SPATA17: variants seen among roughly 807,000 people sequenced by gnomAD.
The protein encoded by SPATA17 is spermatogenesis associated 17.
A neutral mutation model predicts 62.2 loss-of-function variants in SPATA17; 53 were observed. That is an observed-to-expected ratio of 0.85 (90% CI 0.68 to 1.07). SPATA17 has a LOEUF of 1.07. SPATA17 is among the 50% of genes least tolerant of loss of function. The pLI is 0.00. For missense variants in SPATA17, 466 were observed against 425.5 expected, an observed-to-expected ratio of 1.10 and a Z score of -0.84; for synonymous variants, 146 against 146.8, an observed-to-expected ratio of 0.99 and a Z score of 0.04.
chr1:217,678,828 T>A (rs1290348483), intron 4 of SPATA17, among the ~76,000 whole-genome samples: 2 of 152,174 alleles, frequency 1.3e-5, no homozygotes, highest in Non-Finnish European at 2.9e-5. Context: ...AATTATCTAT[T>A]CAGAGCTGAT....
chr1:217,688,151 G>T (rs531230913), intron 5 of SPATA17, among the ~76,000 whole-genome samples: 1 of 152,220 alleles, frequency 6.6e-6, no homozygotes, highest in African/African-American at 2.4e-5. Flanking sequence ...GATCACTTGA[G>T]CCCAGGAGTC....
Position 217,753,152 on chromosome 1 carries a change from C to T in SPATA17, c.519+11054C>T, listed in dbSNP as rs150353699. ...GCCAATTTTACAAAAAGCATGACCA[C>T]GTGAACAAATTGCCAGGGTCCTACC... On this transcript the variant is annotated intron_variant, in intron 6 of 10. Coordinates refer to ENST00000366933, the MANE Select transcript of SPATA17 (RefSeq NM_138796.4). Among the ~76,000 whole-genome samples, 22 of 152,244 alleles carry T rather than the reference C, an allele frequency of 1.4e-4. No individual in the cohort carries two copies. In the East Asian group the frequency reaches 3.1e-3, roughly 21 times the overall value.
At chr1:217,738,736 G>T (rs572265291) in intron 5 of SPATA17, among the ~76,000 whole-genome samples, 1 of 152,300 alleles carries the variant, frequency 6.6e-6, no homozygotes, top group African/African-American at 2.4e-5. Flanking sequence ...TGGATTACCT[G>T]AGGTCAGGAG....
intron 9 of SPATA17, among the ~76,000 whole-genome samples, chr1:217,853,975 G>A (rs1470217282): frequency 7.9e-5 from 12 of 152,110 alleles, no homozygotes; most frequent in South Asian, 6.2e-4. Flanking sequence ...TTCGTGAATC[G>A]GGCAGCCCCC....
At chr1:217,784,143 C>T (rs912573090) in intron 8 of SPATA17, among the ~76,000 whole-genome samples, 1 of 151,948 alleles carries the variant, frequency 6.6e-6, no homozygotes, top group Non-Finnish European at 1.5e-5. Context: ...CTGGTTAATG[C>T]ATTATTTTAT....
chr1:217,823,449 C>G (rs1407182664), intron 9 of SPATA17, among the ~76,000 whole-genome samples: 1 of 151,660 alleles, frequency 6.6e-6, no homozygotes, highest in Non-Finnish European at 1.5e-5. Context: ...TTTCACTCTG[C>G]TCTAGTTCTA....
chr1:217,635,854 G>T (rs1035920182), intron 1 of SPATA17, among the ~76,000 whole-genome samples: 1 of 151,970 alleles, frequency 6.6e-6, no homozygotes. Flanking sequence ...GTGGACTGAC[G>T]CCGGGAGCAG....
intron 9 of SPATA17, among the ~76,000 whole-genome samples, chr1:217,823,525 C>T (rs987341842): frequency 2.6e-5 from 4 of 151,870 alleles, no homozygotes; most frequent in Non-Finnish European, 2.9e-5. Flanking sequence ...CAAGGAAATG[C>T]CATGGGAAAA....
At chr1:217,700,059 C>T (rs147445826) in intron 5 of SPATA17, among the ~76,000 whole-genome samples, 45 of 152,260 alleles carry the variant, frequency 3.0e-4, no homozygotes, top group African/African-American at 1.0e-3. Flanking sequence ...ATCTTATCTA[C>T]TGTAACTATA....
chr1:217,696,958 C>T (rs780407837), intron 5 of SPATA17, among the ~76,000 whole-genome samples: 1 of 152,132 alleles, frequency 6.6e-6, no homozygotes, highest in Non-Finnish European at 1.5e-5. Flanking sequence ...CCCAAGGTTA[C>T]CTGACTTTGA....
At chr1:217,783,220 G>C (rs1673774152) in intron 8 of SPATA17, among the ~76,000 whole-genome samples, 1 of 151,154 alleles carries the variant, frequency 6.6e-6, no homozygotes, top group East Asian at 1.9e-4. Context: ...TTTTGATATA[G>C]AAGGAAATTA....
intron 4 of SPATA17, 121 bp downstream of exon 4, chr1:217,669,204 AAG>A (rs1670780028): frequency 1.2e-6 from 1 of 809,630 alleles, no homozygotes. Context: ...TAAAGAGAGA[AAG>A]AGTATGTAGT....
Position 217,862,852 on chromosome 1 carries a change from T to C in SPATA17, c.1084T>C (p.Ter362GlnextTer13), listed in dbSNP as rs1455272531. The part of the protein sequence containing the change: ...KLYSKAGQIV[*>Q] ...ATATTCAAAAGCTGGACAGATTGTA[T>C]AAAGGTATGACTTTTTGCTAAGAAG... The change falls in exon 10 of 11, where the codon TAA becomes CAA. Residue 362 changes from the stop codon to glutamine (Q), a stop_lost. Coordinates refer to ENST00000366933, the MANE Select transcript of SPATA17 (RefSeq NM_138796.4). The C allele has an allele frequency of 1.9e-6, 3 of 1,592,410 alleles. No individual in the cohort carries two copies. The highest frequency in any genetic ancestry group is 1.7e-6 in the Non-Finnish European group (2 of 1,166,734).
intron 8 of SPATA17, among the ~76,000 whole-genome samples, chr1:217,794,514 A>C (rs1359277021): frequency 1.3e-5 from 2 of 152,204 alleles, no homozygotes; most frequent in Non-Finnish European, 2.9e-5. Flanking sequence ...TGAGCTGCAT[A>C]TGGCCTCCTG....
chr1:217,684,362 A>T (rs1671168324), intron 5 of SPATA17, among the ~76,000 whole-genome samples: 1 of 152,198 alleles, frequency 6.6e-6, no homozygotes, highest in Admixed American at 6.5e-5. Flanking sequence ...GTATTTATAG[A>T]ACAGTCTCAC....
chr1:217,796,344 A>T lies in SPATA17; in HGVS notation c.873-5374A>T, dbSNP rs576510210. On this transcript the variant is annotated intron_variant, in intron 8 of 10. Coordinates refer to ENST00000366933, the MANE Select transcript of SPATA17 (RefSeq NM_138796.4). ...AAATTTGTTGCATAGATGTAATGAA[A>T]TTACTGAGCCAAGGTGATTTGAGAT... is the stretch of plus-strand genomic sequence containing the variant. 3.3e-5 allele frequency among the ~76,000 whole-genome samples: 5 copies of T among 152,274 alleles called. No homozygotes were observed. In the South Asian group the frequency reaches 8.3e-4, roughly 25 times the overall value.
intron 8 of SPATA17, among the ~76,000 whole-genome samples, chr1:217,786,012 A>G (rs191368156): frequency 2.0e-5 from 3 of 152,272 alleles, no homozygotes; most frequent in Non-Finnish European, 1.5e-5. Context: ...CCAAATAAGC[A>G]ATTAATAAAT....
chr1:217,675,270 G>A (rs965470009), intron 4 of SPATA17, among the ~76,000 whole-genome samples: 1 of 152,186 alleles, frequency 6.6e-6, no homozygotes, highest in African/African-American at 2.4e-5. Flanking sequence ...ATATAACACT[G>A]TGAAATTCAG....
intron 6 of SPATA17, among the ~76,000 whole-genome samples, chr1:217,762,024 ACCT>A (rs1673183906): frequency 1.3e-5 from 2 of 151,534 alleles, no homozygotes; most frequent in Admixed American, 1.3e-4. Flanking sequence ...GACATTTCTG[ACCT>A]CCTTCATGAA....
Sources: gnomAD v4.1 joint callset for allele counts (sites outside exome capture counted in the v4.1 genomes callset) on GRCh38, gnomAD v4.1.1 for gene constraint, MANE v1.5 for transcripts, NCBI Gene and HGNC (gene_info 2026-07-23, HGNC 2026-07-21) for gene names.